CCDC150: variants seen among roughly 807,000 people sequenced by gnomAD.
The protein encoded by CCDC150 is coiled-coil domain containing 150, also known as coiled-coil domain-containing protein 150.
Under a neutral mutation model 156.5 loss-of-function variants are expected in CCDC150, and 151 were observed. The ratio of observed to expected loss-of-function variants is 0.97; its 90% CI spans 0.85 to 1.10. The LOEUF is 1.10. CCDC150 is among the 50% of genes least tolerant of loss of function. CCDC150 has a pLI of 0.00. For missense variants in CCDC150, 1,312 were observed against 1,268.1 expected (o/e 1.03, Z -0.53); for synonymous variants, 452 against 429.4 (o/e 1.05, Z -0.65).
At chr2:196,705,186 T>G (rs778422981) in intron 15 of CCDC150, among the ~76,000 whole-genome samples, 8 of 152,148 alleles carry the variant, frequency 5.3e-5, no homozygotes, top group Non-Finnish European at 7.4e-5. Flanking sequence ...TAAAAGCATT[T>G]CTGTTTCTCC....
At chr2:196,686,388 T>C (rs1210092897) in intron 13 of CCDC150, 1 of 152,666 alleles carries the variant, frequency 6.6e-6, no homozygotes, top group Non-Finnish European at 1.5e-5. Flanking sequence ...AACGGTGTTA[T>C]TTTCCTAAAG....
chr2:196,713,030 C>A, intron 17 of CCDC150: 1 of 467,348 alleles, frequency 2.1e-6, no homozygotes, highest in Non-Finnish European at 3.8e-6. Context: ...CCCTGGTAAC[C>A]AAGGAACTAA....
intron 13 of CCDC150, chr2:196,686,156 G>C (rs767785594): frequency 3.5e-5 from 9 of 260,808 alleles, no homozygotes; most frequent in Admixed American, 8.1e-5. Context: ...TTGCATTTCT[G>C]ATATCACATG....
At chr2:196,675,225 C>T (rs963932553) in intron 10 of CCDC150, among the ~76,000 whole-genome samples, 1 of 152,078 alleles carries the variant, frequency 6.6e-6, no homozygotes, top group Non-Finnish European at 1.5e-5. Context: ...ATGCTTTGCA[C>T]ATAACATATA....
chr2:196,672,585 A>G lies in CCDC150; in HGVS notation c.1029+148A>G, dbSNP rs1694267958. 4 of 492,312 alleles carry G rather than the reference A, an allele frequency of 8.1e-6. No individual in the cohort carries two copies. In the East Asian group the frequency reaches 1.4e-4, roughly 17 times the overall value. The allele number at this position is 492,312 out of a possible 1,614,324, so 30.5% of individuals were successfully genotyped here. A position where few individuals can be genotyped will look rare whatever the true frequency, so the allele number is the denominator to read the frequency against. ...TTCCATAAGATTTATTTCATCTTTG[A>G]AACATTATCAAATTAACTACGTTTC... On this transcript the variant is annotated intron_variant, in intron 9 of 27. Coordinates refer to ENST00000389175, the MANE Select transcript of CCDC150 (RefSeq NM_001080539.2).
intron 2 of CCDC150, among the ~76,000 whole-genome samples, chr2:196,653,450 G>T (rs1692996947): frequency 6.6e-6 from 1 of 152,132 alleles, no homozygotes; most frequent in Non-Finnish European, 1.5e-5. Flanking sequence ...ATCCTTAAGG[G>T]CACGGACACA....
At chr2:196,643,261 A>AT (rs992752531) in intron 1 of CCDC150, among the ~76,000 whole-genome samples, 14 of 152,222 alleles carry the variant, frequency 9.2e-5, no homozygotes, top group Non-Finnish European at 1.3e-4. Context: ...ATTTTCTATA[A>AT]ACCTCCTTCC....
chr2:196,721,647 A>G lies in CCDC150; in HGVS notation c.2385A>G (p.Gln795=). Residue 795 remains glutamine, a synonymous_variant, in exon 21 of 28, where the codon CAA becomes CAG. Transcript: ENST00000389175. ...LQTKLDHIQE[Q]LESKELERQN... The stretch of plus-strand genomic sequence containing the variant: ...CAAAGCTAGATCACATTCAAGAGCA[A>G]TTGGAAAGCAAAGAACTTGAGCGAC... 1 of 1,603,918 alleles carries G rather than the reference A, an allele frequency of 6.2e-7. No individual in the cohort carries two copies. The highest frequency in any genetic ancestry group is 1.1e-5 in the South Asian group (1 of 88,084).
chr2:196,681,481 T>C (rs75438706), intron 13 of CCDC150, among the ~76,000 whole-genome samples: 2 of 152,096 alleles, frequency 1.3e-5, no homozygotes, highest in African/African-American at 4.8e-5. Flanking sequence ...CAATTCTTTG[T>C]GATATATATA....
Position 196,701,368 on chromosome 2 carries a change from C to T in CCDC150, c.1695+188C>T, listed in dbSNP as rs562118835. On this transcript the variant is annotated intron_variant, in intron 15 of 27. Coordinates refer to ENST00000389175, the MANE Select transcript of CCDC150 (RefSeq NM_001080539.2). ...TGTTTACATACTGTAGTTGCTGAAACCTAAAATTGTGAAGCCAAAACCCAT... is the reference window on the plus strand; with the variant it reads ...TGTTTACATACTGTAGTTGCTGAAATCTAAAATTGTGAAGCCAAAACCCAT... Among the ~76,000 whole-genome samples, 31 of 152,238 alleles carry T rather than the reference C, an allele frequency of 2.0e-4. No individual in the cohort carries two copies. The South Asian group carries it at 6.4e-3, about 32-fold the overall frequency.
chr2:196,682,205 A>G (rs1694875917), intron 13 of CCDC150, among the ~76,000 whole-genome samples: 1 of 152,068 alleles, frequency 6.6e-6, no homozygotes, highest in Admixed American at 6.6e-5. Flanking sequence ...CTGTTCGTTG[A>G]AAAGATCATT....
At chr2:196,712,549 T>C in intron 16 of CCDC150, 128 bp from the exon 17 acceptor site, 1 of 636,668 alleles carries the variant, frequency 1.6e-6, no homozygotes, top group Non-Finnish European at 2.8e-6. Context: ...AAAAATAGAT[T>C]GTATTACTGA....
At chr2:196,710,329 G>A (rs1276243631) in intron 15 of CCDC150, among the ~76,000 whole-genome samples, 1 of 152,274 alleles carries the variant, frequency 6.6e-6, no homozygotes, top group Admixed American at 6.5e-5. Context: ...TAATCTCCTG[G>A]TGTGCTGTTT....
intron 15 of CCDC150, among the ~76,000 whole-genome samples, chr2:196,706,354 A>G (rs1575903107): frequency 6.6e-6 from 1 of 152,218 alleles, no homozygotes; most frequent in Non-Finnish European, 1.5e-5. Context: ...ATTTTTGCAC[A>G]TTGATTTTGT....
chr2:196,676,275 A>G lies in CCDC150; in HGVS notation c.1262+8A>G, dbSNP rs767191932. 6.2e-7 allele frequency: 1 copy of G among 1,612,974 alleles called. No individual in the cohort carries two copies. The highest frequency in any genetic ancestry group is 8.5e-7 in the Non-Finnish European group (1 of 1,179,366). On this transcript the variant is annotated splice_region_variant and intron_variant, in intron 11 of 27. Coordinates refer to ENST00000389175, the MANE Select transcript of CCDC150 (RefSeq NM_001080539.2). ...CCAACTCCAGGCACATCTGTAAGTA[A>G]ATTATGGGCAACTTCTTATACATCT...
chr2:196,652,359 T>A (rs987785639), intron 2 of CCDC150, among the ~76,000 whole-genome samples: 1 of 152,202 alleles, frequency 6.6e-6, no homozygotes, highest in Admixed American at 6.5e-5. Flanking sequence ...AGATACAATG[T>A]GGTACAAACA....
chr2:196,657,436 G>GTGTTT, intron 4 of CCDC150: 1 of 251,862 alleles, frequency 4.0e-6, no homozygotes. Context: ...CTAGTTGGGA[G>GTGTTT]AACAAGCTAC....
chr2:196,730,738 T>G lies in CCDC150; in HGVS notation c.2983-121T>G. 8.6e-6 allele frequency: 6 copies of G among 701,496 alleles called. No homozygotes were observed. In the South Asian group the frequency reaches 1.2e-4, roughly 14 times the overall value. The allele number at this position is 701,496 out of a possible 1,614,324, so 43.5% of individuals were successfully genotyped here. A position where few individuals can be genotyped will look rare whatever the true frequency, so the allele number is the denominator to read the frequency against. ...TTTTATCTCATATGTCAGTAGCACCTGAAGTTAGAAGGCACTCCATCCTAT... is the reference window on the plus strand; with the variant it reads ...TTTTATCTCATATGTCAGTAGCACCGGAAGTTAGAAGGCACTCCATCCTAT... On this transcript the variant is annotated intron_variant, in intron 25 of 27. Transcript: ENST00000389175.
At position 196,730,119 on chromosome 2, in the gene CCDC150, G is replaced by A. The variant is rs760033728; in HGVS notation, c.2982+1G>A. On this transcript the variant is annotated splice_donor_variant, in intron 25 of 27. Coordinates refer to ENST00000389175, the MANE Select transcript of CCDC150 (RefSeq NM_001080539.2). LOFTEE classifies it high-confidence loss of function. ...GCAGGAGCTAGAGAATCGGTGCCAG[G>A]TAAAAGGTTTCCTAAGATTCATCTT... 1 of 1,594,164 alleles carries A rather than the reference G, an allele frequency of 6.3e-7. No homozygotes were observed. The highest frequency in any genetic ancestry group is 1.8e-5 in the Admixed American group (1 of 55,598).
Sources: gnomAD v4.1 joint callset for allele counts (sites outside exome capture counted in the v4.1 genomes callset) on GRCh38, gnomAD v4.1.1 for gene constraint, MANE v1.5 for transcripts, NCBI Gene and HGNC (gene_info 2026-07-23, HGNC 2026-07-21) for gene names.